The following ARHGEF10 variants were observed in gnomAD, a reference collection of about 807,000 sequenced individuals.
The protein encoded by ARHGEF10 is Rho guanine nucleotide exchange factor 10.
Under a neutral mutation model 147.4 loss-of-function variants are expected in ARHGEF10, and 140 were observed. That is an observed-to-expected ratio of 0.95 (90% confidence interval 0.83 to 1.09). ARHGEF10 has a LOEUF of 1.09. Among genes scored for constraint, ARHGEF10 ranks in the 50% least tolerant of loss-of-function variants. ARHGEF10 has a pLI of 0.00. For missense variants in ARHGEF10, 2,222 were observed against 1,752.7 expected (o/e 1.27, Z -4.78); for synonymous variants, 902 against 695.8 (o/e 1.30, Z -4.67).
chr8:1,866,516 T>G lies in ARHGEF10; in HGVS notation c.546-10T>G. On this transcript the variant is annotated splice_polypyrimidine_tract_variant and intron_variant, in intron 5 of 28. Transcript: ENST00000349830. Reference sequence around the variant, plus strand: ...TGGATATTCTGACTTTATGGTTTGTTTTCTTTAAGTGAAGATCAAGTCGGT... The same window carrying G: ...TGGATATTCTGACTTTATGGTTTGTGTTCTTTAAGTGAAGATCAAGTCGGT... 1 of 1,612,432 alleles carries G rather than the reference T, an allele frequency of 6.2e-7. No individual in the cohort carries two copies. The highest frequency in any genetic ancestry group is 1.1e-5 in the South Asian group (1 of 91,086).
At chr8:1,943,088 G>A (rs988726213) in intron 26 of ARHGEF10, among the ~76,000 whole-genome samples, 9 of 152,222 alleles carry the variant, frequency 5.9e-5, no homozygotes, top group Non-Finnish European at 2.9e-5. Flanking sequence ...GGAGGTGGCA[G>A]TTTTGGAAGT....
At chr8:1,932,646 A>G (rs535211592) in intron 25 of ARHGEF10, among the ~76,000 whole-genome samples, 1 of 152,384 alleles carries the variant, frequency 6.6e-6, no homozygotes, top group South Asian at 2.1e-4. Context: ...TAATTACCCT[A>G]CAACACTTTT....
chr8:1,923,269 A>G, intron 19 of ARHGEF10, 190 bp downstream of exon 19: 1 of 922,506 alleles, frequency 1.1e-6, no homozygotes, highest in Non-Finnish European at 1.7e-6. Flanking sequence ...CATTTTGCAA[A>G]TAGGGTTTAA....
intron 2 of ARHGEF10, among the ~76,000 whole-genome samples, chr8:1,845,760 T>C (rs543882254): frequency 1.4e-3 from 208 of 152,316 alleles, no homozygotes; most frequent in Non-Finnish European, 3.7e-4. Flanking sequence ...CATCCACCCA[T>C]GGTCTCCACG....
intron 8 of ARHGEF10, among the ~76,000 whole-genome samples, chr8:1,879,299 G>T (rs1007852303): frequency 6.6e-6 from 1 of 152,074 alleles, no homozygotes; most frequent in Admixed American, 6.6e-5. Context: ...GAAAATCCGT[G>T]CTGCCATCCC....
chr8:1,912,108 G>A (rs1002532976), intron 18 of ARHGEF10, among the ~76,000 whole-genome samples: 11 of 152,210 alleles, frequency 7.2e-5, no homozygotes, highest in Admixed American at 2.0e-4. Flanking sequence ...AGCGGGCAGC[G>A]TGGTAACCAC....
chr8:1,844,938 A>G (rs1217172833), intron 2 of ARHGEF10, among the ~76,000 whole-genome samples: 1 of 152,148 alleles, frequency 6.6e-6, no homozygotes, highest in Non-Finnish European at 1.5e-5. Flanking sequence ...ATTAGTTGTA[A>G]TAGTTGTAAT....
Position 1,909,397 on chromosome 8 carries a change from C to T in ARHGEF10, c.2070C>T (p.Gly690=), listed in dbSNP as rs780157862. The T allele has an allele frequency of 3.7e-6, 6 of 1,614,032 alleles. No homozygotes were observed. The highest frequency in any genetic ancestry group is 1.3e-5 in the African/African-American group (1 of 74,940). ...VDAIEYGSSA[G]TGEHSRHLAV... ...CCATCGAGTATGGCAGCAGCGCAGG[C>T]ACGGGCGAGCACAGCAGGCACCTTG... Residue 690 remains glycine (G), a synonymous_variant, in exon 18 of 29, where the codon GGC becomes GGT. Coordinates refer to ENST00000349830, the MANE Select transcript of ARHGEF10 (RefSeq NM_014629.4).
At chr8:1,832,811 CAGAGGCAGAGAG>C (rs1251280650) in intron 1 of ARHGEF10, among the ~76,000 whole-genome samples, 4 of 68,046 alleles carry the variant, frequency 5.9e-5, no homozygotes, top group Non-Finnish European at 8.3e-5. Context: ...GAGGCAGAGA[CAGAGGCAGAGAG>C]AGAGGCAGAG....
chr8:1,904,359 T>G (rs1437870097), intron 16 of ARHGEF10: 1 of 152,246 alleles, frequency 6.6e-6, no homozygotes, highest in Non-Finnish European at 1.5e-5. Flanking sequence ...TATTCATTAT[T>G]GCTAAAAATC....
Position 1,862,257 on chromosome 8 carries a change from T to C in ARHGEF10, c.481+2073T>C, listed in dbSNP as rs1806192926. ...GGGCGGCCGCCTGGCTCTGCAGGGCTTCCCCGGGACGTACAGCCCAGCCAG... is the reference window on the plus strand; with the variant it reads ...GGGCGGCCGCCTGGCTCTGCAGGGCCTCCCCGGGACGTACAGCCCAGCCAG... On this transcript the variant is annotated intron_variant, in intron 4 of 28. Coordinates refer to ENST00000349830, the MANE Select transcript of ARHGEF10 (RefSeq NM_014629.4). Among the ~76,000 whole-genome samples the C allele has an allele frequency of 2.6e-5, 4 of 152,374 alleles. No individual in the cohort carries two copies. In the South Asian group the frequency reaches 8.3e-4, roughly 32 times the overall value.
chr8:1,923,940 G>A (rs1337919504), intron 21 of ARHGEF10, 66 bp downstream of exon 21: 3 of 1,466,250 alleles, frequency 2.0e-6, no homozygotes, highest in South Asian at 2.3e-5. Flanking sequence ...GCCCACGAGG[G>A]TGAGGTCAGG....
At chr8:1,829,387 C>T (rs182722881) in intron 1 of ARHGEF10, among the ~76,000 whole-genome samples, 74 of 152,356 alleles carry the variant, frequency 4.9e-4, no homozygotes, top group Admixed American at 4.6e-3. Flanking sequence ...TGGGCGGTTG[C>T]CCTGTGTGGG....
intron 1 of ARHGEF10, among the ~76,000 whole-genome samples, chr8:1,838,348 G>C (rs1018394588): frequency 1.3e-5 from 2 of 152,248 alleles, no homozygotes; most frequent in Non-Finnish European, 2.9e-5. Context: ...GCCATGGAAC[G>C]TACTCTTCTT....
In ARHGEF10 at chr8:1,957,335, T is replaced by A; in HGVS notation, c.*72T>A. 1 of 1,553,956 alleles carries A rather than the reference T, an allele frequency of 6.4e-7. No individual in the cohort carries two copies. Among genetic ancestry groups the A allele is most frequent in the Non-Finnish European group, 8.7e-7 (1 of 1,151,642 alleles). ...TTCTCAGCTAATCCTACAGCCTGAG[T>A]GGTTAAGCTGTGTCTACACTGGTTG... On this transcript the variant is annotated 3_prime_UTR_variant, in exon 29 of 29. Coordinates refer to ENST00000349830, the MANE Select transcript of ARHGEF10 (RefSeq NM_014629.4).
intron 1 of ARHGEF10, among the ~76,000 whole-genome samples, chr8:1,839,496 G>T (rs1435876772): frequency 6.9e-6 from 1 of 145,840 alleles, no homozygotes; most frequent in Non-Finnish European, 1.5e-5. Flanking sequence ...ACTGTCTGGT[G>T]TGGGGACTGT....
chr8:1,859,677 T>C (rs1037779295), intron 3 of ARHGEF10, among the ~76,000 whole-genome samples: 2 of 152,222 alleles, frequency 1.3e-5, no homozygotes, highest in Non-Finnish European at 2.9e-5. Flanking sequence ...CCTCCTGTAG[T>C]GACCAGGCTG....
intron 7 of ARHGEF10, chr8:1,876,112 C>T (rs949914235): frequency 7.2e-5 from 14 of 193,522 alleles, no homozygotes; most frequent in African/African-American, 2.8e-4. Context: ...TCTGTATCAT[C>T]CACCTATCCA....
rs576212517 is a variant in ARHGEF10 at position 1,853,079 on chromosome 8, G to C, written c.38-4881G>C. On this transcript the variant is annotated intron_variant, in intron 2 of 28. Transcript: ENST00000349830. ...GCTGGCGGGTGGTTAGATTTGGGCCGGGCACTGGCGGGTGGTTAGATTTGG... is the reference window on the plus strand; with the variant it reads ...GCTGGCGGGTGGTTAGATTTGGGCCCGGCACTGGCGGGTGGTTAGATTTGG... 5.0e-3 allele frequency among the ~76,000 whole-genome samples: 580 copies of C among 115,312 alleles called. 2 individuals are homozygous for C. Among genetic ancestry groups the C allele is most frequent in the Non-Finnish European group, 7.8e-3 (420 of 54,006 alleles). 75.6% of individuals were successfully genotyped at this position (115,312 alleles called of 152,430 possible).
Sources: gnomAD v4.1 joint callset for allele counts (sites outside exome capture counted in the v4.1 genomes callset) on GRCh38, gnomAD v4.1.1 for gene constraint, MANE v1.5 for transcripts, NCBI Gene and HGNC (gene_info 2026-07-23, HGNC 2026-07-21) for gene names.